TRPC5: variants seen among roughly 807,000 people sequenced by gnomAD.
TRPC5 encodes transient receptor potential cation channel subfamily C member 5.
A neutral mutation model predicts 56.5 loss-of-function variants in TRPC5; 9 were observed. The observed-to-expected ratio is 0.16, with a 90% CI of 0.10 to 0.28. The LOEUF is 0.28. TRPC5 is among the 10% of genes least tolerant of loss of function. The pLI is 1.00. For synonymous variants in TRPC5, 282 were observed against 278.5 expected (o/e 1.01, Z -0.13); for missense variants, 469 against 748.9 (o/e 0.63, Z 4.36).
intron 1 of TRPC5, among the ~76,000 whole-genome samples, chrX:112,073,452 T>TAG (rs1162218462): frequency 3.6e-5 from 4 of 110,276 alleles, no homozygotes; most frequent in Non-Finnish European, 7.6e-5. Flanking sequence ...GTAATTTTAG[T>TAG]AGAGACGGGG....
intron 7 of TRPC5, among the ~76,000 whole-genome samples, chrX:111,802,866 G>A (rs1034884540): frequency 9.0e-6 from 1 of 110,614 alleles, no homozygotes; most frequent in South Asian, 3.8e-4. Flanking sequence ...ATTTATTTAT[G>A]TATTTTTTTA....
At chrX:111,843,923 TGAGA>T (rs1225461042) in intron 6 of TRPC5, among the ~76,000 whole-genome samples, 34 of 101,049 alleles carry the variant, frequency 3.4e-4, no homozygotes, top group African/African-American at 5.9e-4. Context: ...TGTGTGTATG[TGAGA>T]GAGAGAGAAT....
intron 1 of TRPC5, among the ~76,000 whole-genome samples, chrX:111,958,450 C>G (rs1445794518): frequency 8.9e-6 from 1 of 112,157 alleles, no homozygotes; most frequent in African/African-American, 3.2e-5. Context: ...CTATTTTATT[C>G]CCAGTACCTG....
rs2148544214 is a variant in TRPC5 at position 111,769,985 on chromosome X, G to A, written c.*6328C>T. 8.9e-6 allele frequency among the ~76,000 whole-genome samples: 1 copy of A among 111,898 alleles called. No individual in the cohort carries two copies. The highest frequency in any genetic ancestry group is 3.7e-4 in the South Asian group (1 of 2,685). ...AAAGCAGAAGTCCAAAGTGGGTAGA[G>A]TAATGGCAGCATCATTAGAATATGG... On this transcript the variant is annotated 3_prime_UTR_variant, in exon 11 of 11. Transcript: ENST00000262839.
At chrX:112,007,987 TTCCCTGTTTG>T (rs1243671612) in intron 1 of TRPC5, among the ~76,000 whole-genome samples, 1 of 111,799 alleles carries the variant, frequency 8.9e-6, no homozygotes, top group Non-Finnish European at 1.9e-5. Flanking sequence ...CTGCTGGCCA[TTCCCTGTTTG>T]TCTCCTGTCT....
intron 6 of TRPC5, 90 bp from the exon 7 acceptor site, chrX:111,835,206 G>A (rs903960417): frequency 1.9e-5 from 15 of 808,565 alleles, no homozygotes; most frequent in Non-Finnish European, 2.6e-5. Flanking sequence ...TAACGAAGGG[G>A]CTGCCAGATC....
intron 1 of TRPC5, among the ~76,000 whole-genome samples, chrX:112,005,806 A>G (rs1352525425): frequency 1.8e-5 from 2 of 111,611 alleles, no homozygotes; most frequent in Non-Finnish European, 3.8e-5. Flanking sequence ...GCAGCTCAGG[A>G]TGAACCTTTG....
At chrX:111,872,521 G>C (rs1923795681) in intron 3 of TRPC5, among the ~76,000 whole-genome samples, 2 of 111,963 alleles carry the variant, frequency 1.8e-5, no homozygotes, top group Admixed American at 9.5e-5. Flanking sequence ...GAGACAACTT[G>C]GTAGATAAAA....
Position 111,784,448 on chromosome X carries a change from G to A in TRPC5, c.1897-2310C>T, listed in dbSNP as rs984785077. Among the ~76,000 whole-genome samples, 11 of 111,670 alleles carry A rather than the reference G, an allele frequency of 9.9e-5. No individual in the cohort carries two copies. In the East Asian group the frequency reaches 3.1e-3, roughly 32 times the overall value. ...ATAAAGAATAATTATGGGGGAGTGG[G>A]GGCATTACAAGATGGCCAACTAGGA... On this transcript the variant is annotated intron_variant, in intron 7 of 10. Transcript: ENST00000262839.
At chrX:112,060,917 T>C (rs968694962) in intron 1 of TRPC5, among the ~76,000 whole-genome samples, 26 of 112,526 alleles carry the variant, frequency 2.3e-4, no homozygotes, top group African/African-American at 8.1e-4. Context: ...CTTTCTTGGT[T>C]TTCTAATTTT....
chrX:111,770,971 GC>G lies in TRPC5; in HGVS notation c.*5341del, dbSNP rs1945840167. ...ATGTAAGCTCCTGGGATGTTAGGTT[GC>G]CCCAAAACCTGCTAAAGTCAAAGGG... On this transcript the variant is annotated 3_prime_UTR_variant, in exon 11 of 11. Coordinates refer to ENST00000262839, the MANE Select transcript of TRPC5 (RefSeq NM_012471.3). Among the ~76,000 whole-genome samples the G allele has an allele frequency of 8.9e-6, 1 of 112,023 alleles. No homozygotes were observed. The highest frequency in any genetic ancestry group is 3.2e-5 in the African/African-American group (1 of 30,834).
chrX:111,988,976 C>T (rs1469978317), intron 1 of TRPC5, among the ~76,000 whole-genome samples: 2 of 111,936 alleles, frequency 1.8e-5, no homozygotes, highest in East Asian at 2.8e-4. Context: ...CATTACTAAT[C>T]CCATTGTGCA....
At chrX:111,887,293 T>G (rs1332084556) in intron 3 of TRPC5, among the ~76,000 whole-genome samples, 2 of 112,660 alleles carry the variant, frequency 1.8e-5, no homozygotes, top group Non-Finnish European at 3.7e-5. Flanking sequence ...AATGTTGCTT[T>G]CTTTCTTTCT....
intron 3 of TRPC5, among the ~76,000 whole-genome samples, chrX:111,892,115 C>T (rs892998792): frequency 8.9e-6 from 1 of 112,185 alleles, no homozygotes; most frequent in African/African-American, 3.2e-5. Flanking sequence ...GCATTTGCCA[C>T]AGAAACATAG....
chrX:111,888,037 A>G (rs1489419562), intron 3 of TRPC5, among the ~76,000 whole-genome samples: 3 of 111,624 alleles, frequency 2.7e-5, no homozygotes, highest in Non-Finnish European at 5.6e-5. Context: ...TAAGTGAAAT[A>G]CTCATTGAGA....
chrX:111,853,630 C>T (rs1187947325), intron 4 of TRPC5, 140 bp downstream of exon 4: 1 of 539,219 alleles, frequency 1.9e-6, no homozygotes, highest in East Asian at 3.4e-5. Context: ...TTCTGAGACT[C>T]TCAACAAAGG....
intron 1 of TRPC5, among the ~76,000 whole-genome samples, chrX:112,013,678 G>T (rs1035443764): frequency 3.6e-5 from 4 of 111,468 alleles, no homozygotes; most frequent in African/African-American, 1.3e-4. Flanking sequence ...ATCCTTACAG[G>T]TATTTAGCTA....
intron 1 of TRPC5, among the ~76,000 whole-genome samples, chrX:112,062,281 G>A (rs1324368965): frequency 9.0e-6 from 1 of 111,272 alleles, no homozygotes; most frequent in East Asian, 2.8e-4. Flanking sequence ...TAGAGTAAGG[G>A]GTGAGGGAAG....
rs745819218 is a variant in TRPC5 at position 111,776,143 on chromosome X, AAAAC to A, written c.*166_*169del. 13 of 451,803 alleles carry A rather than the reference AAAAC, an allele frequency of 2.9e-5. No homozygotes were observed. The highest frequency in any genetic ancestry group is 2.3e-4 in the East Asian group (6 of 26,386). 37.2% of individuals were successfully genotyped at this position (451,803 alleles called of 1,213,427 possible). A position where few individuals can be genotyped will look rare whatever the true frequency, so the allele number is the denominator to read the frequency against. ...GGCAAATAATAATGAAAGTAATAAT[AAAAC>A]AAGAACAAAAATGGAGAATGTGGCT... On this transcript the variant is annotated 3_prime_UTR_variant, in exon 11 of 11. Coordinates refer to ENST00000262839, the MANE Select transcript of TRPC5 (RefSeq NM_012471.3).
Sources: gnomAD v4.1 joint callset for allele counts (sites outside exome capture counted in the v4.1 genomes callset) on GRCh38, gnomAD v4.1.1 for gene constraint, MANE v1.5 for transcripts, NCBI Gene and HGNC (gene_info 2026-07-23, HGNC 2026-07-21) for gene names.